Variants in FILIP1 observed in about 807,000 individuals in gnomAD.
FILIP1 encodes the protein filamin-A-interacting protein 1.
Under a neutral mutation model 102.1 loss-of-function variants are expected in FILIP1, and 61 were observed. The ratio of observed to expected loss-of-function variants is 0.60; its 90% CI spans 0.49 to 0.74. The LOEUF (loss-of-function observed/expected upper bound fraction) is 0.74. Among genes scored for constraint, FILIP1 ranks in the 30% least tolerant of loss-of-function variants. The pLI is 0.00. For missense variants in FILIP1, 1,314 were observed against 1,441.2 expected (o/e 0.91, Z 1.43); for synonymous variants, 491 against 526.9 (o/e 0.93, Z 0.93).
intron 3 of FILIP1, chr6:75,358,526 T>C (rs777935269): frequency 2.0e-5 from 3 of 152,112 alleles, no homozygotes; most frequent in Non-Finnish European, 4.4e-5. Flanking sequence ...CAGTCTTTCA[T>C]GAGCTCATCT....
intron 2 of FILIP1, among the ~76,000 whole-genome samples, chr6:75,386,762 C>T (rs1245198176): frequency 2.0e-5 from 3 of 152,138 alleles, no homozygotes; most frequent in Admixed American, 6.5e-5. Flanking sequence ...GCACTTGGTA[C>T]TTTTAGAACT....
chr6:75,338,600 G>C (rs747846248), intron 4 of FILIP1, among the ~76,000 whole-genome samples: 2 of 152,294 alleles, frequency 1.3e-5, no homozygotes, highest in Admixed American at 6.5e-5. Flanking sequence ...GTAGTGATAC[G>C]AGACAACACA....
intron 1 of FILIP1, among the ~76,000 whole-genome samples, chr6:75,435,913 G>A (rs1778004092): frequency 6.6e-6 from 1 of 152,170 alleles, no homozygotes; most frequent in Admixed American, 6.5e-5. Flanking sequence ...TCAGAAGAGT[G>A]AAGGAGCATA....
intron 2 of FILIP1, among the ~76,000 whole-genome samples, chr6:75,389,583 T>C (rs1776214385): frequency 1.3e-5 from 2 of 152,230 alleles, no homozygotes; most frequent in Non-Finnish European, 2.9e-5. Flanking sequence ...ATTCGACTTC[T>C]TCCTGGTTTA....
intron 2 of FILIP1, among the ~76,000 whole-genome samples, chr6:75,383,845 A>G (rs2149645336): frequency 6.6e-6 from 1 of 152,310 alleles, no homozygotes; most frequent in Admixed American, 6.5e-5. Flanking sequence ...ACATTAACTA[A>G]TAAGTGGTGT....
At chr6:75,458,281 C>T (rs893250728) in intron 1 of FILIP1, 3 of 152,050 alleles carry the variant, frequency 2.0e-5, no homozygotes, top group Non-Finnish European at 2.9e-5. Flanking sequence ...ACAATACCTC[C>T]GACAGCACAT....
chr6:75,469,251 T>G (rs1268433614), intron 1 of FILIP1, among the ~76,000 whole-genome samples: 1 of 152,024 alleles, frequency 6.6e-6, no homozygotes, highest in African/African-American at 2.4e-5. Flanking sequence ...ATACAAAAAT[T>G]TTTGGTTTTG....
At chr6:75,315,568 G>C (rs562408133) in intron 4 of FILIP1, among the ~76,000 whole-genome samples, 1 of 152,158 alleles carries the variant, frequency 6.6e-6, no homozygotes, top group Non-Finnish European at 1.5e-5. Flanking sequence ...TAAAACTTAG[G>C]TTGTGCAATA....
chr6:75,376,931 C>T (rs1263660960), intron 2 of FILIP1, among the ~76,000 whole-genome samples: 9 of 152,110 alleles, frequency 5.9e-5, no homozygotes, highest in Non-Finnish European at 1.2e-4. Context: ...GTTCCCTCAT[C>T]ACCACTGTCA....
At position 75,348,042 on chromosome 6, in the gene FILIP1, G is replaced by A. The variant is rs572768594; in HGVS notation, c.629+5497C>T. Among the ~76,000 whole-genome samples, 20 of 142,280 alleles carry A rather than the reference G, an allele frequency of 1.4e-4. No individual in the cohort carries two copies. The South Asian group carries it at 4.3e-3, about 30-fold the overall frequency. The allele number at this position is 142,280 out of a possible 152,430, so 93.3% of individuals were successfully genotyped here. On this transcript the variant is annotated intron_variant, in intron 4 of 5. Transcript: ENST00000237172. ...CTATCTACAGTGATAGATCTAGACAGCACTCCTCCACATCAGTTATACACA... is the reference window on the plus strand; with the variant it reads ...CTATCTACAGTGATAGATCTAGACAACACTCCTCCACATCAGTTATACACA...
chr6:75,370,847 G>A (rs1329650115), intron 2 of FILIP1, among the ~76,000 whole-genome samples: 1 of 151,972 alleles, frequency 6.6e-6, no homozygotes, highest in East Asian at 1.9e-4. Flanking sequence ...AAAGTGCTGG[G>A]ATTACAGGCA....
chr6:75,313,122 G>C lies in FILIP1; in HGVS notation c.2710C>G (p.Pro904Ala). The change falls in exon 5 of 6, where the codon CCA becomes GCA. Residue 904 changes from proline to alanine, a missense_variant. This residue lies in a region of FILIP1 where 816 missense variants were observed against 913.1 expected (regional missense o/e 0.89). Coordinates refer to ENST00000237172, the MANE Select transcript of FILIP1 (RefSeq NM_015687.5). The surrounding 1 kb of genome is among the most constrained non-coding windows in gnomAD (Gnocchi z 4.2). ...PGHPGEVVLS[P>A]KQGQPLHIRV... The stretch of plus-strand genomic sequence containing the variant: ...ATATGCAGGGGCTGGCCCTGCTTTG[G>C]TGAAAGGACTACCTCTCCTGGGTGC... 6.2e-7 allele frequency: 1 copy of C among 1,614,156 alleles called. No individual in the cohort carries two copies. Among genetic ancestry groups the C allele is most frequent in the East Asian group, 2.2e-5 (1 of 44,884 alleles).
At chr6:75,299,002 G>A (rs1772760973) in intron 6 of FILIP1, among the ~76,000 whole-genome samples, 1 of 139,732 alleles carries the variant, frequency 7.2e-6, no homozygotes, top group South Asian at 2.3e-4. Context: ...AGTCCATGTT[G>A]CCAGCAAAAA....
At chr6:75,469,607 G>A (rs1257089436) in intron 1 of FILIP1, among the ~76,000 whole-genome samples, 3 of 151,894 alleles carry the variant, frequency 2.0e-5, no homozygotes, top group Non-Finnish European at 4.4e-5. Flanking sequence ...ATTTCAAGCT[G>A]GACTGCATAA....
chr6:75,474,316 G>A (rs187964266), intron 1 of FILIP1, among the ~76,000 whole-genome samples: 1 of 152,194 alleles, frequency 6.6e-6, no homozygotes, highest in South Asian at 2.1e-4. Flanking sequence ...GGTTAATAGT[G>A]CCCTATTATT....
chr6:75,326,128 C>T (rs139364652), intron 4 of FILIP1, among the ~76,000 whole-genome samples: 194 of 147,454 alleles, frequency 1.3e-3, no homozygotes, highest in African/African-American at 4.4e-3. Context: ...GATAGATATA[C>T]ACACACACAC....
chr6:75,348,506 A>G (rs1774674425), intron 4 of FILIP1, among the ~76,000 whole-genome samples: 2 of 152,224 alleles, frequency 1.3e-5, no homozygotes, highest in Non-Finnish European at 2.9e-5. Context: ...TTATGATCAC[A>G]GTTTGTTGAC....
chr6:75,330,438 T>C (rs1774037846), intron 4 of FILIP1, among the ~76,000 whole-genome samples: 1 of 152,130 alleles, frequency 6.6e-6, no homozygotes, highest in Non-Finnish European at 1.5e-5. Flanking sequence ...CAGCAACGTT[T>C]TGGAGCCTGT....
Position 75,319,041 on chromosome 6 carries a change from G to GTCATCTTCTTCATCT in FILIP1, c.630-3854_630-3840dup, listed in dbSNP as rs1319722525. ...TGCTAGAACCAACTTATTCATCATC[G>GTCATCTTCTTCATCT]TCATCTTCTTCATCTTCATCTTCTT... On this transcript the variant is annotated intron_variant, in intron 4 of 5. Coordinates refer to ENST00000237172, the MANE Select transcript of FILIP1 (RefSeq NM_015687.5). 3.1e-5 allele frequency: 21 copies of GTCATCTTCTTCATCT among 678,000 alleles called. No homozygotes were observed. In the Admixed American group the frequency reaches 4.2e-4, roughly 13 times the overall value. The allele number at this position is 678,000 out of a possible 1,614,324, so 42.0% of individuals were successfully genotyped here.
Sources: allele counts gnomAD v4.1 joint callset (sites outside exome capture counted in the v4.1 genomes callset), GRCh38; gene constraint gnomAD v4.1.1; regional missense constraint gnomAD v4.1.1; non-coding constraint Gnocchi (gnomAD v3.1); transcripts MANE v1.5; gene names NCBI Gene and HGNC (gene_info 2026-07-23, HGNC 2026-07-21).